The following SAMD4B variants were observed in gnomAD, a reference collection of about 807,000 sequenced individuals.
SAMD4B encodes the protein sterile alpha motif domain containing 4B.
A neutral mutation model predicts 74.5 loss-of-function variants in SAMD4B; 5 were observed. The observed-to-expected ratio is 0.07, with a 90% confidence interval of 0.04 to 0.14. The LOEUF (loss-of-function observed/expected upper bound fraction) is 0.14. Ranked by LOEUF, SAMD4B falls within the 10% of genes least tolerant of loss-of-function variation. SAMD4B has a pLI of 1.00. For synonymous variants in SAMD4B, 373 were observed against 374.9 expected (o/e 1.00, Z 0.06); for missense variants, 608 against 921.8 (o/e 0.66, Z 4.41).
chr19:39,356,030 C>T (rs1020110331), intron 2 of SAMD4B, among the ~76,000 whole-genome samples: 2 of 152,268 alleles, frequency 1.3e-5, no homozygotes, highest in African/African-American at 4.8e-5. Flanking sequence ...GGGTGAGATT[C>T]CCTCAGCCTG....
At chr19:39,358,356 A>T (rs1057416810) in intron 3 of SAMD4B, among the ~76,000 whole-genome samples, 1 of 152,228 alleles carries the variant, frequency 6.6e-6, no homozygotes, top group African/African-American at 2.4e-5. Context: ...GTTACTTGCC[A>T]TATAACCAAG....
chr19:39,385,900 A>G (rs569849161), downstream of SAMD4B: 5 of 1,548,678 alleles, frequency 3.2e-6, no homozygotes, highest in South Asian at 3.5e-5. Flanking sequence ...GGTGGGGAAC[A>G]AACAAGTGAA....
chr19:39,348,586 T>A (rs2075835569), intron 1 of SAMD4B, among the ~76,000 whole-genome samples: 1 of 152,182 alleles, frequency 6.6e-6, no homozygotes, highest in Non-Finnish European at 1.5e-5. Context: ...ACTTGCAGCC[T>A]AAGGGCCACA....
downstream of SAMD4B, chr19:39,390,147 C>T: frequency 6.2e-7 from 1 of 1,613,960 alleles, no homozygotes. Flanking sequence ...CTTGACTCGG[C>T]AGACCACTCC....
downstream of SAMD4B, chr19:39,386,606 G>C (rs1271751011): frequency 3.7e-6 from 6 of 1,611,482 alleles, no homozygotes; most frequent in South Asian, 5.5e-5. This position sits in a 1 kb window ranked among gnomAD's most constrained non-coding sequence, Gnocchi z 6.1. Flanking sequence ...AGGGGAAGGA[G>C]GGTGTTCTGC....
rs758830655 is a variant in SAMD4B at position 39,383,204 on chromosome 19, C to G, written c.1973-4C>G. The G allele has an allele frequency of 6.2e-7, 1 of 1,614,058 alleles. No homozygotes were observed. On this transcript the variant is annotated splice_polypyrimidine_tract_variant and splice_region_variant and intron_variant, in intron 12 of 13. Coordinates refer to ENST00000610417, the MANE Select transcript of SAMD4B (RefSeq NM_001384574.2). This position sits in a 1 kb window ranked among gnomAD's most constrained non-coding sequence, Gnocchi z 4.1. ...CCACCCCCATTCTCCTCTCTCCCAC[C>G]CAGACTGCCCGGTTCCTGGGCCTGA...
In SAMD4B at chr19:39,356,674, T is replaced by C. The variant is rs540813684; in HGVS notation, c.-205-15T>C. On this transcript the variant is annotated splice_polypyrimidine_tract_variant and intron_variant, in intron 2 of 13. Coordinates refer to ENST00000610417, the MANE Select transcript of SAMD4B (RefSeq NM_001384574.2). ...GCCCCTTCTTTCTGTTTGACCCCTTTGCTTCCTTTTTCAGGAAACTGGAGA... is the reference window on the plus strand; with the variant it reads ...GCCCCTTCTTTCTGTTTGACCCCTTCGCTTCCTTTTTCAGGAAACTGGAGA... The C allele has an allele frequency of 1.5e-5, 7 of 478,592 alleles. No homozygotes were observed. The Admixed American group carries it at 2.6e-4, about 17-fold the overall frequency. The allele number at this position is 478,592 out of a possible 1,614,324, so 29.6% of individuals were successfully genotyped here. A position where few individuals can be genotyped will look rare whatever the true frequency, so the allele number is the denominator to read the frequency against.
intron 3 of SAMD4B, among the ~76,000 whole-genome samples, chr19:39,359,343 C>G (rs1733452302): frequency 6.6e-6 from 1 of 152,208 alleles, no homozygotes; most frequent in African/African-American, 2.4e-5. Flanking sequence ...GTTTTCAGAA[C>G]TTGCAGTAAA....
rs750006050 is a variant in SAMD4B, at chr19:39,381,098, C to T, written c.1957C>T (p.Leu653Phe). The T allele has an allele frequency of 1.1e-5, 18 of 1,610,398 alleles. No individual in the cohort carries two copies. The East Asian group carries it at 4.0e-4, about 36-fold the overall frequency. ...LPVHSSPQAI[L>F]MFPPDCPVPG... The stretch of plus-strand genomic sequence containing the variant: ...GGTCCACTCGTCACCCCAGGCCATT[C>T]TCATGTTCCCTCCAGGTGAGGTGCC... Residue 653 changes from leucine to phenylalanine, a missense_variant, in exon 12 of 14, where the codon CTC becomes TTC. Leu to Phe is a conservative substitution (Grantham distance 22). Transcript: ENST00000610417.
rs1330647555 is a variant in SAMD4B at position 39,383,077 on chromosome 19, T to A, written c.1973-131T>A. 8.0e-6 allele frequency: 6 copies of A among 748,924 alleles called. No individual in the cohort carries two copies. In the African/African-American group the frequency reaches 8.6e-5, roughly 11 times the overall value. The allele number at this position is 748,924 out of a possible 1,614,324, so 46.4% of individuals were successfully genotyped here. ...ACGCTCGCCTCTCTCCCTGTCCACCTCCTCCCGTTCTTCCCTCTCCCCCTC... is the reference window on the plus strand; with the variant it reads ...ACGCTCGCCTCTCTCCCTGTCCACCACCTCCCGTTCTTCCCTCTCCCCCTC... On this transcript the variant is annotated intron_variant, in intron 12 of 13. Coordinates refer to ENST00000610417, the MANE Select transcript of SAMD4B (RefSeq NM_001384574.2). The surrounding 1 kb of genome is among the most constrained non-coding windows in gnomAD (Gnocchi z 4.1).
At chr19:39,362,490 A>G (rs1485192788) in intron 3 of SAMD4B, among the ~76,000 whole-genome samples, 1 of 152,186 alleles carries the variant, frequency 6.6e-6, no homozygotes, top group Non-Finnish European at 1.5e-5. Context: ...GAAGTAGGAC[A>G]TGAGGCGCAA....
downstream of SAMD4B, among the ~76,000 whole-genome samples, chr19:39,387,007 T>C (rs1382034398): frequency 6.6e-6 from 1 of 152,196 alleles, no homozygotes; most frequent in African/African-American, 2.4e-5. Context: ...TGGCACCAGT[T>C]TGGTTGCCCT....
Position 39,370,254 on chromosome 19 carries a change from A to G in SAMD4B, c.667+129A>G, listed in dbSNP as rs145019577. ...CTGTAGGCCTCAACTTTATGAGGCA[A>G]TGCAGAGGCTGTGAACTGGCTTTCC... is the stretch of plus-strand genomic sequence containing the variant. On this transcript the variant is annotated intron_variant, in intron 4 of 13. Transcript: ENST00000610417. 134 of 865,960 alleles carry G rather than the reference A, an allele frequency of 1.5e-4. 1 individual carries two copies. The African/African-American group carries it at 1.8e-3, about 12-fold the overall frequency. 53.6% of individuals were successfully genotyped at this position (865,960 alleles called of 1,614,324 possible).
At chr19:39,382,911 TCTGTGTCCAGAGTAGTCACAGCAGG>T (rs1352892112) in intron 12 of SAMD4B, among the ~76,000 whole-genome samples, 21 of 152,144 alleles carry the variant, frequency 1.4e-4, no homozygotes, top group Admixed American at 9.8e-4. Context: ...CAGTATGCAG[TCTGTGTCCAGAGTAGTCACAGCAGG>T]CTGTGTGTGG....
rs2077722522 is a variant in SAMD4B, at chr19:39,378,262, G to A, written c.1445-242G>A. 2.0e-5 allele frequency among the ~76,000 whole-genome samples: 3 copies of A among 152,152 alleles called. No homozygotes were observed. The South Asian group carries it at 6.2e-4, about 32-fold the overall frequency. ...GTCTAGATCTGGATCTGGACCTGAG[G>A]CAAGTGACTCAACTCTGAGCTTTAG... is the stretch of plus-strand genomic sequence containing the variant. On this transcript the variant is annotated intron_variant, in intron 8 of 13. Transcript: ENST00000610417. The surrounding 1 kb of genome is among the most constrained non-coding windows in gnomAD (Gnocchi z 4.4).
chr19:39,368,064 A>C (rs550597908), intron 3 of SAMD4B, among the ~76,000 whole-genome samples: 76 of 152,032 alleles, frequency 5.0e-4, no homozygotes, highest in African/African-American at 1.8e-3. Context: ...AATACAAAAA[A>C]TAAGCTGGGC....
chr19:39,389,859 A>G, downstream of SAMD4B: 1 of 1,512,294 alleles, frequency 6.6e-7, no homozygotes, highest in Non-Finnish European at 9.2e-7. This position sits in a 1 kb window ranked among gnomAD's most constrained non-coding sequence, Gnocchi z 5.3. Flanking sequence ...GGAACTCAGA[A>G]TGAAGTGTCC....
intron 5 of SAMD4B, 65 bp from the exon 6 acceptor site, chr19:39,376,371 AC>A (rs1311367240): frequency 7.2e-7 from 1 of 1,380,272 alleles, no homozygotes; most frequent in Non-Finnish European, 1.0e-6. Flanking sequence ...TATCCCCACA[AC>A]TTTTCCTTTA....
intron 1 of SAMD4B, chr19:39,352,489 GAAAAAAAA>G: frequency 1.7e-5 from 2 of 117,488 alleles, no homozygotes; most frequent in South Asian, 5.9e-4. Flanking sequence ...CTCTTTAGGG[GAAAAAAAA>G]AAAAAAAAAA....
Sources: gnomAD v4.1 joint callset for allele counts (sites outside exome capture counted in the v4.1 genomes callset) on GRCh38, gnomAD v4.1.1 for gene constraint, Gnocchi (gnomAD v3.1) non-coding constraint, MANE v1.5 for transcripts, NCBI Gene and HGNC (gene_info 2026-07-23, HGNC 2026-07-21) for gene names.